RAB31: variants seen among roughly 807,000 people sequenced by gnomAD.
The protein encoded by RAB31 is ras-related protein Rab-31.
RAB31 carries 21 observed loss-of-function variants against 25.6 expected under a neutral mutation model. The ratio of observed to expected loss-of-function variants is 0.82; its 90% CI spans 0.58 to 1.18. The LOEUF is 1.18. RAB31 is among the 50% of genes most tolerant of loss of function. RAB31 has a pLI of 0.00. For missense variants in RAB31, 196 were observed against 250.1 expected, an observed-to-expected ratio of 0.78 and a Z score of 1.46; for synonymous variants, 87 against 84.0, an observed-to-expected ratio of 1.04 and a Z score of -0.20.
intron 5 of RAB31, among the ~76,000 whole-genome samples, chr18:9,840,164 G>A (rs1352678460): frequency 6.6e-6 from 1 of 152,196 alleles, no homozygotes; most frequent in Non-Finnish European, 1.5e-5. Flanking sequence ...AGGGGACAGG[G>A]CTGGCCTGGG....
At chr18:9,754,060 C>T (rs547047033) in intron 1 of RAB31, among the ~76,000 whole-genome samples, 50 of 152,244 alleles carry the variant, frequency 3.3e-4, no homozygotes, top group Middle Eastern at 3.4e-3. Context: ...GTGCAGGGCT[C>T]CTGCCACTCT....
chr18:9,853,405 T>C (rs1225261940), intron 6 of RAB31, among the ~76,000 whole-genome samples: 1 of 152,184 alleles, frequency 6.6e-6, no homozygotes, highest in Non-Finnish European at 1.5e-5. Flanking sequence ...CTTAAATGCA[T>C]ATTGCTGAGT....
intron 1 of RAB31, among the ~76,000 whole-genome samples, chr18:9,755,752 ACC>A (rs1431728283): frequency 6.6e-6 from 1 of 151,820 alleles, no homozygotes; most frequent in African/African-American, 2.4e-5. Flanking sequence ...CAGCCGTCAC[ACC>A]CCCTCTCTCC....
rs183163755 is a variant in RAB31 at position 9,772,976 on chromosome 18, G to A, written c.40-2302G>A. 5.8e-4 allele frequency among the ~76,000 whole-genome samples: 89 copies of A among 152,310 alleles called. 2 individuals carry two copies. In the Middle Eastern group the frequency reaches 0.014, roughly 23 times the overall value. ...ATACTTGAGGTGCAGCTCAGAAATA[G>A]CAGCGGCATCAATTGGCATCTCAGG... On this transcript the variant is annotated intron_variant, in intron 1 of 6. Transcript: ENST00000578921.
intron 1 of RAB31, among the ~76,000 whole-genome samples, chr18:9,747,235 G>A (rs1285327397): frequency 6.6e-6 from 1 of 152,094 alleles, no homozygotes; most frequent in Admixed American, 6.5e-5. Context: ...CACTAGGATG[G>A]CTATTTAAAA....
chr18:9,855,058 C>CA (rs1269990210), intron 6 of RAB31, among the ~76,000 whole-genome samples: 3 of 152,132 alleles, frequency 2.0e-5, no homozygotes, highest in Non-Finnish European at 4.4e-5. Flanking sequence ...ATGGCTGGTC[C>CA]ACGGGGAAAG....
Position 9,750,848 on chromosome 18 carries a change from T to A in RAB31, c.40-24430T>A, listed in dbSNP as rs536313839. ...TTGTTGCCTCAATCCTACTGCAATCTTCCTGCCTGCTTGAGAGAGAACTGG... is the reference window on the plus strand; with the variant it reads ...TTGTTGCCTCAATCCTACTGCAATCATCCTGCCTGCTTGAGAGAGAACTGG... On this transcript the variant is annotated intron_variant, in intron 1 of 6. Transcript: ENST00000578921. Among the ~76,000 whole-genome samples, 3 of 152,288 alleles carry A rather than the reference T, an allele frequency of 2.0e-5. No individual in the cohort carries two copies. In the South Asian group the frequency reaches 6.2e-4, roughly 32 times the overall value.
At chr18:9,743,964 T>C (rs1430991906) in intron 1 of RAB31, among the ~76,000 whole-genome samples, 1 of 152,246 alleles carries the variant, frequency 6.6e-6, no homozygotes, top group Non-Finnish European at 1.5e-5. Flanking sequence ...CTCCTCTATA[T>C]GACCCTGTAG....
At chr18:9,822,885 A>G (rs749571558) in intron 5 of RAB31, among the ~76,000 whole-genome samples, 4 of 152,244 alleles carry the variant, frequency 2.6e-5, no homozygotes, top group African/African-American at 4.8e-5. Flanking sequence ...TGCAGTTACC[A>G]TATGGCCTGG....
intron 6 of RAB31, chr18:9,856,291 T>C (rs2068815269): frequency 6.6e-6 from 1 of 152,160 alleles, no homozygotes; most frequent in Non-Finnish European, 1.5e-5. Flanking sequence ...TCAGTGCTCA[T>C]TGTTGACTGG....
At chr18:9,852,519 T>C (rs2068794203) in intron 6 of RAB31, among the ~76,000 whole-genome samples, 3 of 152,162 alleles carry the variant, frequency 2.0e-5, no homozygotes, top group African/African-American at 7.2e-5. Flanking sequence ...TTTCCCCTTA[T>C]GCAATTTGTT....
chr18:9,853,468 A>G (rs1029309164), intron 6 of RAB31, among the ~76,000 whole-genome samples: 8 of 152,262 alleles, frequency 5.3e-5, no homozygotes, highest in African/African-American at 1.9e-4. Context: ...ACTACATGAC[A>G]CTCTGGAGAA....
intron 1 of RAB31, among the ~76,000 whole-genome samples, chr18:9,741,026 G>A (rs2068175604): frequency 6.6e-6 from 1 of 152,092 alleles, no homozygotes; most frequent in African/African-American, 2.4e-5. Context: ...CCTGGCAGGG[G>A]CTGCATTGAG....
intron 1 of RAB31, among the ~76,000 whole-genome samples, chr18:9,749,181 T>C (rs1479584932): frequency 2.6e-5 from 4 of 152,234 alleles, no homozygotes; most frequent in Admixed American, 2.6e-4. Context: ...ATGTACTTTA[T>C]TCATTTAAGT....
rs370855772 is a variant in RAB31 at position 9,773,730 on chromosome 18, C to T, written c.40-1548C>T. ...GCTGAGTGCAGTGGCACAATCATAG[C>T]TCACTGCACCCTTGAATTCCCGGGC... On this transcript the variant is annotated intron_variant, in intron 1 of 6. Coordinates refer to ENST00000578921, the MANE Select transcript of RAB31 (RefSeq NM_006868.4). Among the ~76,000 whole-genome samples the T allele has an allele frequency of 4.6e-5, 7 of 152,160 alleles. No homozygotes were observed. The East Asian group carries it at 9.6e-4, about 21-fold the overall frequency.
intron 1 of RAB31, among the ~76,000 whole-genome samples, chr18:9,773,482 C>T (rs1179134848): frequency 1.3e-5 from 2 of 152,116 alleles, no homozygotes; most frequent in African/African-American, 2.4e-5. Context: ...TTGGCAACGG[C>T]GATCGGTGTT....
chr18:9,796,383 T>A (rs8091631), intron 3 of RAB31, among the ~76,000 whole-genome samples: 119,816 of 152,058 alleles, frequency 0.79, 47,375 homozygotes, highest in East Asian at 0.88. Context: ...ACTGAAATTT[T>A]AAAAATAATA....
intron 1 of RAB31, among the ~76,000 whole-genome samples, chr18:9,759,602 A>AG (rs2068277554): frequency 6.6e-6 from 1 of 151,868 alleles, no homozygotes; most frequent in Non-Finnish European, 1.5e-5. Flanking sequence ...TGGATGCCTG[A>AG]GGTCTGTGAT....
chr18:9,748,308 A>C (rs1479546179), intron 1 of RAB31, among the ~76,000 whole-genome samples: 1 of 151,550 alleles, frequency 6.6e-6, no homozygotes. Context: ...ACCAGCCTGG[A>C]CAACACAGTG....
Sources: gnomAD v4.1 joint callset for allele counts (sites outside exome capture counted in the v4.1 genomes callset) on GRCh38, gnomAD v4.1.1 for gene constraint, MANE v1.5 for transcripts, NCBI Gene and HGNC (gene_info 2026-07-23, HGNC 2026-07-21) for gene names.